ANKRD36B: variants seen among roughly 807,000 people sequenced by gnomAD.
ANKRD36B encodes the protein ankyrin repeat domain-containing protein 36B.
In ANKRD36B, 37 loss-of-function variants were observed where a neutral mutation model predicts 135.7. The observed-to-expected ratio is 0.27, with a 90% CI of 0.21 to 0.36. The LOEUF is 0.36. Among genes scored for constraint, ANKRD36B ranks in the 10% least tolerant of loss-of-function variants. The pLI is 1.00. For synonymous variants in ANKRD36B, 179 were observed against 348.1 expected, an observed-to-expected ratio of 0.51 and a Z score of 5.41; for missense variants, 549 against 1,037.1, an observed-to-expected ratio of 0.53 and a Z score of 6.46.
rs1180927230 is a variant in ANKRD36B at position 97,516,825 on chromosome 2, TA to T, written c.2408-881del. Among the ~76,000 whole-genome samples the T allele has an allele frequency of 5.0e-5, 4 of 79,256 alleles. 1 individual carries two copies. Among genetic ancestry groups the T allele is most frequent in the African/African-American group, 1.5e-4 (4 of 25,828 alleles). The allele number at this position is 79,256 out of a possible 152,430, so 52.0% of individuals were successfully genotyped here. A position where few individuals can be genotyped will look rare whatever the true frequency, so the allele number is the denominator to read the frequency against. Reference sequence around the variant, plus strand: ...TTCCTAAGAACAATGAAAAATAAAATAAAAAAAAACAACAGTTAAAGAACAT... The same window carrying T: ...TTCCTAAGAACAATGAAAAATAAAATAAAAAAAACAACAGTTAAAGAACAT... On this transcript the variant is annotated intron_variant, in intron 36 of 43. Transcript: ENST00000359901.
At chr2:97,539,451 G>A (rs1187381687) in intron 30 of ANKRD36B, among the ~76,000 whole-genome samples, 1 of 96,642 alleles carries the variant, frequency 1.0e-5, no homozygotes, top group East Asian at 2.3e-4. Flanking sequence ...TCCTAAAGCA[G>A]TCAAAATCAA....
chr2:97,561,376 T>C lies in ANKRD36B; in HGVS notation c.764-516A>G, dbSNP rs578246514. Among the ~76,000 whole-genome samples the C allele has an allele frequency of 1.2e-4, 19 of 152,068 alleles. No homozygotes were observed. In the East Asian group the frequency reaches 2.3e-3, roughly 19 times the overall value. On this transcript the variant is annotated intron_variant, in intron 6 of 43. Transcript: ENST00000359901. ...TGAAATCTCTTCAGTGGAAGTGTCC[T>C]AACTTAATCAGCTTGGATATATGTT...
At chr2:97,546,955 A>G (rs1193982654) in intron 22 of ANKRD36B, among the ~76,000 whole-genome samples, 1 of 151,676 alleles carries the variant, frequency 6.6e-6, no homozygotes, top group Non-Finnish European at 1.5e-5. Context: ...TGGAGCAGCC[A>G]AAATCAAATA....
intron 6 of ANKRD36B, among the ~76,000 whole-genome samples, chr2:97,562,636 A>AT (rs1451296090): frequency 6.6e-6 from 1 of 151,738 alleles, no homozygotes; most frequent in Admixed American, 6.6e-5. Context: ...TTTGACATAC[A>AT]TTTTTTTCGT....
intron 22 of ANKRD36B, among the ~76,000 whole-genome samples, chr2:97,546,542 C>T (rs1233779444): frequency 2.0e-5 from 3 of 151,700 alleles, no homozygotes; most frequent in African/African-American, 2.4e-5. Context: ...AATATATTAG[C>T]CTCAATAAAG....
Position 97,545,691 on chromosome 2 carries a change from T to C in ANKRD36B, c.1656A>G (p.Thr552=). 2.1e-6 allele frequency: 2 copies of C among 969,130 alleles called. No homozygotes were observed. Among genetic ancestry groups the C allele is most frequent in the South Asian group, 1.2e-5 (1 of 83,614 alleles). The allele number at this position is 969,130 out of a possible 1,614,324, so 60.0% of individuals were successfully genotyped here. The change falls in exon 24 of 44, where the codon ACA becomes ACG. Residue 552 remains threonine, a synonymous_variant. Coordinates refer to ENST00000359901, the MANE Select transcript of ANKRD36B (RefSeq NM_001393939.1). ...CTGTCCCAGATATTTGTTCATCCTT[T>C]GTTTCTGTGGCCATATTCGGAACAG... ...EDSVPNMATE[T]KDEQISGTVS...
rs1177242155 is a variant in ANKRD36B at position 97,545,069 on chromosome 2, C to A, written c.1681+597G>T. 6.3e-5 allele frequency among the ~76,000 whole-genome samples: 6 copies of A among 95,594 alleles called. No individual in the cohort carries two copies. The South Asian group carries it at 1.4e-3, about 22-fold the overall frequency. The allele number at this position is 95,594 out of a possible 152,430, so 62.7% of individuals were successfully genotyped here. A position where few individuals can be genotyped will look rare whatever the true frequency, so the allele number is the denominator to read the frequency against. ...GCATAGTTTCCTGCTTCCAGTAGTG[C>A]CTGGAGCTGCCAAAATCAAGTCTTC... On this transcript the variant is annotated intron_variant, in intron 24 of 43. Coordinates refer to ENST00000359901, the MANE Select transcript of ANKRD36B (RefSeq NM_001393939.1).
At chr2:97,549,227 G>C (rs1341034571) in intron 20 of ANKRD36B, among the ~76,000 whole-genome samples, 192 bp downstream of exon 20, 1 of 142,698 alleles carries the variant, frequency 7.0e-6, no homozygotes, top group African/African-American at 2.5e-5. Flanking sequence ...ATCTTACAGC[G>C]AAGGTCATGT....
rs1384567377 is a variant in ANKRD36B, at chr2:97,574,678, C to G, written c.763+1701G>C. Among the ~76,000 whole-genome samples, 16 of 152,246 alleles carry G rather than the reference C, an allele frequency of 1.1e-4. No individual in the cohort carries two copies. The East Asian group carries it at 3.1e-3, about 29-fold the overall frequency. ...GTTGGAGAGAGTCGGGATGTATGTGCTTTGGACAAGGTGGTTCCAGTTACT... is the reference window on the plus strand; with the variant it reads ...GTTGGAGAGAGTCGGGATGTATGTGGTTTGGACAAGGTGGTTCCAGTTACT... On this transcript the variant is annotated intron_variant, in intron 6 of 43. Transcript: ENST00000359901.
chr2:97,547,430 G>C (rs1392839530), intron 22 of ANKRD36B, 106 bp downstream of exon 22: 14 of 1,196,498 alleles, frequency 1.2e-5, no homozygotes, highest in Non-Finnish European at 1.6e-5. Flanking sequence ...CAGGACTGCT[G>C]AATCAGAATG....
chr2:97,540,622 G>T (rs1339745061), intron 28 of ANKRD36B, among the ~76,000 whole-genome samples: 1 of 95,534 alleles, frequency 1.0e-5, no homozygotes, highest in Admixed American at 9.3e-5. Context: ...AAATCAAAAG[G>T]ATTTACACCA....
chr2:97,532,182 G>T lies in ANKRD36B; in HGVS notation c.2265+129C>A, dbSNP rs577753741. ...TTTTATAACTAAATGTTTTTAAAAT[G>T]AAATATTAAATTATAATCAACTGAT... On this transcript the variant is annotated intron_variant, in intron 35 of 43. Coordinates refer to ENST00000359901, the MANE Select transcript of ANKRD36B (RefSeq NM_001393939.1). The T allele has an allele frequency of 1.9e-3, 919 of 478,768 alleles. 240 individuals are homozygous for T. Among genetic ancestry groups the T allele is most frequent in the Middle Eastern group, 6.7e-3 (12 of 1,792 alleles). The allele number at this position is 478,768 out of a possible 1,614,324, so 29.7% of individuals were successfully genotyped here.
chr2:97,579,397 G>A (rs1297789034), intron 4 of ANKRD36B, among the ~76,000 whole-genome samples: 1 of 142,160 alleles, frequency 7.0e-6, no homozygotes, highest in South Asian at 2.1e-4. Flanking sequence ...TGCAAAATCA[G>A]CTGAAGGGTC....
chr2:97,565,259 G>A (rs1348693012), intron 6 of ANKRD36B, among the ~76,000 whole-genome samples: 2 of 151,858 alleles, frequency 1.3e-5, no homozygotes, highest in East Asian at 3.9e-4. Flanking sequence ...GGAGATTTGG[G>A]GCTGAGACAA....
chr2:97,571,047 A>G (rs1375603759), intron 6 of ANKRD36B, among the ~76,000 whole-genome samples: 1 of 152,228 alleles, frequency 6.6e-6, no homozygotes, highest in Non-Finnish European at 1.5e-5. Flanking sequence ...AAAAACAAGC[A>G]GCAATCCTAT....
intron 6 of ANKRD36B, among the ~76,000 whole-genome samples, chr2:97,570,559 C>G (rs1446053075): frequency 6.6e-6 from 1 of 152,108 alleles, no homozygotes; most frequent in African/African-American, 2.4e-5. Flanking sequence ...AACTAGCTTC[C>G]ATAAGAACCT....
chr2:97,579,643 T>TACATTGTATATTATATATTATCTATAAA (rs1189103077), intron 4 of ANKRD36B, among the ~76,000 whole-genome samples: 1 of 66,608 alleles, frequency 1.5e-5, no homozygotes, highest in African/African-American at 4.2e-5. Flanking sequence ...ATATATAATA[T>TACATTGTATATTATATATTATCTATAAA]ATAGTATATT....
chr2:97,585,034 C>T lies in ANKRD36B; in HGVS notation c.360G>A (p.Arg120=). ...TATACACAGCGTAGTGCAGAGCAGT[C>T]CTTCCAAAGACATCCGTAATATTTG... The part of the protein sequence containing the change: ...ADPNITDVFG[R]TALHYAVYNE... Residue 120 remains arginine, a synonymous_variant, in exon 3 of 44, where the codon AGG becomes AGA. Transcript: ENST00000359901. 3 of 1,611,564 alleles carry T rather than the reference C, an allele frequency of 1.9e-6. No homozygotes were observed. The highest frequency in any genetic ancestry group is 1.7e-6 in the Non-Finnish European group (2 of 1,179,800).
At chr2:97,573,636 C>T (rs2082035353) in intron 6 of ANKRD36B, among the ~76,000 whole-genome samples, 1 of 152,160 alleles carries the variant, frequency 6.6e-6, no homozygotes, top group Non-Finnish European at 1.5e-5. Flanking sequence ...TGACTTCAAA[C>T]TATACTACAA....
Sources: gnomAD v4.1 joint callset for allele counts (sites outside exome capture counted in the v4.1 genomes callset) on GRCh38, gnomAD v4.1.1 for gene constraint, MANE v1.5 for transcripts, NCBI Gene and HGNC (gene_info 2026-07-23, HGNC 2026-07-21) for gene names.